The following RESF1 variants were observed in gnomAD, a reference collection of about 807,000 sequenced individuals.
The protein encoded by RESF1 is retroelement silencing factor 1, also known as gonad expressed transcript.
In RESF1, 65 loss-of-function variants were observed where a neutral mutation model predicts 134.7. The observed-to-expected ratio is 0.48, with a 90% CI of 0.40 to 0.59. The LOEUF (loss-of-function observed/expected upper bound fraction) is 0.59. Among genes scored for constraint, RESF1 ranks in the 20% least tolerant of loss-of-function variants. The probability of loss-of-function intolerance (pLI) is 0.00; values close to 1 mark genes in which losing one functional copy is unlikely to be tolerated. For missense variants in RESF1, 2,274 were observed against 2,002.7 expected (o/e 1.14, Z -2.59); for synonymous variants, 762 against 702.2 (o/e 1.09, Z -1.35).
rs1349577541 is a variant in RESF1 at position 31,992,347 on chromosome 12, ATAAAG to A, written c.5087-27_5087-23del. On this transcript the variant is annotated intron_variant, in intron 5 of 5. Coordinates refer to ENST00000312561, the MANE Select transcript of RESF1 (RefSeq NM_018169.4). ...TATTGATCACAGCTAACATTGAGAA[ATAAAG>A]TAAGTAAAGTTTTTATTTCCCTTAG... 6 of 1,558,528 alleles carry A rather than the reference ATAAAG, an allele frequency of 3.8e-6. No individual in the cohort carries two copies. The East Asian group carries it at 1.1e-4, about 29-fold the overall frequency.
rs150252221 is a variant in RESF1, at chr12:31,963,362, C to G, written c.-247+2491C>G. Reference sequence around the variant, plus strand: ...TGTCTCAAAAAAAAAAAAAAAAGTTCATGGAGCACAACCTTTGGGTTTTGA... The same window carrying G: ...TGTCTCAAAAAAAAAAAAAAAAGTTGATGGAGCACAACCTTTGGGTTTTGA... On this transcript the variant is annotated intron_variant, in intron 2 of 5. Coordinates refer to ENST00000312561, the MANE Select transcript of RESF1 (RefSeq NM_018169.4). 3.0e-3 allele frequency among the ~76,000 whole-genome samples: 448 copies of G among 150,998 alleles called. 2 individuals are homozygous for G. Among genetic ancestry groups the G allele is most frequent in the African/African-American group, 0.01 (428 of 41,174 alleles).
intron 4 of RESF1, among the ~76,000 whole-genome samples, chr12:31,986,422 A>T (rs1592265847): frequency 6.6e-6 from 1 of 152,214 alleles, no homozygotes; most frequent in East Asian, 1.9e-4. Flanking sequence ...CTTTTTGTTC[A>T]TATGGAAATG....
rs1306066043 is a variant in RESF1, at chr12:31,981,233, T to TA, written c.280dup (p.Thr94AsnfsTer6). The TA allele has an allele frequency of 6.2e-7, 1 of 1,614,174 alleles. No individual in the cohort carries two copies. The highest frequency in any genetic ancestry group is 1.7e-5 in the Admixed American group (1 of 60,024). On this transcript the variant is annotated frameshift_variant, in exon 4 of 6. Coordinates refer to ENST00000312561, the MANE Select transcript of RESF1 (RefSeq NM_018169.4). LOFTEE classifies it high-confidence loss of function. Reference sequence around the variant, plus strand: ...GCCTCACACACTTCAGTAGAAAGAATAACATATGCAAATGTTAATGGACCC... The same window carrying TA: ...GCCTCACACACTTCAGTAGAAAGAATAAACATATGCAAATGTTAATGGACCC...
chr12:31,989,346 A>G (rs956635667), intron 5 of RESF1, among the ~76,000 whole-genome samples: 2 of 143,156 alleles, frequency 1.4e-5, no homozygotes, highest in African/African-American at 5.2e-5. Flanking sequence ...CCATGAGCCA[A>G]TATGTCGCCA....
chr12:31,985,154 G>GTTCT lies in RESF1; in HGVS notation c.4200_4201insTCTT (p.Val1401SerfsTer10). 6.4e-7 allele frequency: 1 copy of GTTCT among 1,554,656 alleles called. No homozygotes were observed. The highest frequency in any genetic ancestry group is 8.6e-7 in the Non-Finnish European group (1 of 1,158,868). ...CATGATAAACAAGAACAGAAAGGAA[G>GTTCT]TGTGGGAGCTACATTCAAATTAGGT... On this transcript the variant is annotated frameshift_variant, in exon 4 of 6. Transcript: ENST00000312561. LOFTEE classifies it high-confidence loss of function.
Position 31,982,506 on chromosome 12 carries a change from C to A in RESF1, c.1551C>A (p.Asp517Glu), listed in dbSNP as rs757817036. ...ATTCTGAAAAGCGGCCAATGCCAGA[C>A]TCATCTCATGATGTGAAAGTTCTCA... ...PVYSEKRPMP[D>E]SSHDVKVLTS... Residue 517 changes from aspartate (D) to glutamate (E), a missense_variant, in exon 4 of 6, where the codon GAC becomes GAA. Transcript: ENST00000312561. 5 of 1,613,524 alleles carry A rather than the reference C, an allele frequency of 3.1e-6. No homozygotes were observed. The African/African-American group carries it at 6.7e-5, about 22-fold the overall frequency.
Position 31,992,499 on chromosome 12 carries a change from G to T in RESF1, c.5208G>T (p.Lys1736Asn). Reference protein sequence around the residue: ...FQTYKQMYLEKRSRSLGSSPV... With the variant: ...FQTYKQMYLENRSRSLGSSPV... ...CCTACAAACAGATGTACCTGGAGAAGAGAAGCAGAAGCCTTGGTAGCAGTC... is the reference window on the plus strand; with the variant it reads ...CCTACAAACAGATGTACCTGGAGAATAGAAGCAGAAGCCTTGGTAGCAGTC... Residue 1736 changes from lysine (K) to asparagine (N), a missense_variant, in exon 6 of 6, where the codon AAG becomes AAT. Physicochemically the swap from Lys to Asn is moderately conservative, Grantham distance 94. Coordinates refer to ENST00000312561, the MANE Select transcript of RESF1 (RefSeq NM_018169.4). The T allele has an allele frequency of 6.2e-7, 1 of 1,614,002 alleles. No homozygotes were observed.
Position 31,983,896 on chromosome 12 carries a change from T to G in RESF1, c.2941T>G (p.Ser981Ala). 3 of 1,613,714 alleles carry G rather than the reference T, an allele frequency of 1.9e-6. No individual in the cohort carries two copies. Among genetic ancestry groups the G allele is most frequent in the Non-Finnish European group, 2.5e-6 (3 of 1,179,992 alleles). ...GTCAAAGTCAGAGCCACCCTTAGAG[T>G]CATCTTTTAACAATCTTGAAACAAA... ...DQSKSEPPLE[S>A]SFNNLETNRV... Residue 981 changes from serine (S) to alanine (A), a missense_variant, in exon 4 of 6, where the codon TCA becomes GCA. Transcript: ENST00000312561.
Position 31,982,085 on chromosome 12 carries a change from A to C in RESF1, c.1130A>C (p.Asn377Thr). The C allele has an allele frequency of 6.2e-7, 1 of 1,614,192 alleles. No individual in the cohort carries two copies. The highest frequency in any genetic ancestry group is 1.3e-5 in the African/African-American group (1 of 75,060). Residue 377 changes from asparagine to threonine, a missense_variant, in exon 4 of 6, where the codon AAT becomes ACT. Coordinates refer to ENST00000312561, the MANE Select transcript of RESF1 (RefSeq NM_018169.4). Reference protein sequence around the residue: ...TNEEKIMDSCNPTSNQVLDTS... With the variant: ...TNEEKIMDSCTPTSNQVLDTS... ...GAAGAGAAAATAATGGATTCTTGCA[A>C]TCCAACTTCAAATCAAGTACTGGAC...
chr12:31,990,504 G>A (rs768161023), intron 5 of RESF1, among the ~76,000 whole-genome samples: 20 of 152,144 alleles, frequency 1.3e-4, no homozygotes, highest in South Asian at 2.1e-4. Flanking sequence ...CTGGAGTGCA[G>A]TGGTGCGACC....
intron 3 of RESF1, among the ~76,000 whole-genome samples, chr12:31,978,982 G>A (rs1463351127): frequency 1.3e-5 from 2 of 148,674 alleles, no homozygotes; most frequent in South Asian, 2.1e-4. Context: ...GTGCAGTGGC[G>A]CCATCTGGGC....
chr12:31,987,209 C>G (rs751294418), intron 4 of RESF1, 30 bp from the exon 5 acceptor site: 15 of 1,225,912 alleles, frequency 1.2e-5, no homozygotes, highest in Non-Finnish European at 1.8e-5. Flanking sequence ...TTAGCAATAT[C>G]TAGAGTTCTG....
At chr12:31,992,110 C>T (rs1323913209) in intron 5 of RESF1, among the ~76,000 whole-genome samples, 1 of 151,880 alleles carries the variant, frequency 6.6e-6, no homozygotes, top group Non-Finnish European at 1.5e-5. Flanking sequence ...TTTATTGAGC[C>T]AAGAGTAAGG....
rs746901028 is a variant in RESF1 at position 31,981,071 on chromosome 12, C to T, written c.116C>T (p.Ser39Phe). 15 of 1,614,170 alleles carry T rather than the reference C, an allele frequency of 9.3e-6. No individual in the cohort carries two copies. The South Asian group carries it at 1.5e-4, about 17-fold the overall frequency. ...INQITTTSQS[S>F]FSYPGSNQEA... ...CAAATTACCACAACATCTCAGAGTT[C>T]TTTCAGCTATCCTGGAAGTAACCAA... The change falls in exon 4 of 6, where the codon TCT becomes TTT. Residue 39 changes from serine (S) to phenylalanine (F), a missense_variant. By Grantham distance (155) the Ser-to-Phe change is radical (BLOSUM62 -2). Transcript: ENST00000312561.
rs1267599846 is a variant in RESF1, at chr12:31,982,448, A to G, written c.1493A>G (p.Asn498Ser). The change falls in exon 4 of 6, where the codon AAC becomes AGC. Residue 498 changes from asparagine to serine, a missense_variant. By Grantham distance (46) the Asn-to-Ser change is conservative. Transcript: ENST00000312561. ...CAGGAAGTCAATTGCAGAAGGTTTA[A>G]CCAAGTTGATTCTGTTTTACCAAAT... Reference protein sequence around the residue: ...DIQEVNCRRFNQVDSVLPNPV... With the variant: ...DIQEVNCRRFSQVDSVLPNPV... 3 of 1,613,922 alleles carry G rather than the reference A, an allele frequency of 1.9e-6. No individual in the cohort carries two copies. The highest frequency in any genetic ancestry group is 2.5e-6 in the Non-Finnish European group (3 of 1,180,024).
At position 31,992,565 on chromosome 12, in the gene RESF1, G is replaced by A; in HGVS notation, c.*30G>A. On this transcript the variant is annotated 3_prime_UTR_variant, in exon 6 of 6. Transcript: ENST00000312561. Reference sequence around the variant, plus strand: ...AAGATGTGGTTTTGTAATTGCCACTGGGAAATTTCTTTCCTTTTCTGTTCA... The same window carrying A: ...AAGATGTGGTTTTGTAATTGCCACTAGGAAATTTCTTTCCTTTTCTGTTCA... 1 of 1,597,308 alleles carries A rather than the reference G, an allele frequency of 6.3e-7. No individual in the cohort carries two copies. The highest frequency in any genetic ancestry group is 8.6e-7 in the Non-Finnish European group (1 of 1,169,110).
At chr12:31,990,048 C>T (rs940239294) in intron 5 of RESF1, among the ~76,000 whole-genome samples, 3 of 151,860 alleles carry the variant, frequency 2.0e-5, no homozygotes, top group African/African-American at 4.8e-5. Flanking sequence ...CAAATGGGTA[C>T]GAAGATTGGA....
intron 3 of RESF1, among the ~76,000 whole-genome samples, chr12:31,978,881 G>C (rs1939701249): frequency 2.0e-5 from 3 of 149,106 alleles, no homozygotes; most frequent in Non-Finnish European, 4.5e-5. Context: ...ATTTGATTTT[G>C]TCAGAAATTC....
At chr12:31,964,014 G>A (rs1009433452) in intron 2 of RESF1, among the ~76,000 whole-genome samples, 2 of 152,250 alleles carry the variant, frequency 1.3e-5, no homozygotes, top group South Asian at 2.1e-4. Context: ...TTATGTAGAC[G>A]TGTATTTTTA....
Sources: allele counts gnomAD v4.1 joint callset (sites outside exome capture counted in the v4.1 genomes callset), GRCh38; gene constraint gnomAD v4.1.1; transcripts MANE v1.5; gene names NCBI Gene and HGNC (gene_info 2026-07-23, HGNC 2026-07-21).